The following GRIA4 variants were observed in gnomAD, a reference collection of about 807,000 sequenced individuals.
GRIA4 encodes the protein glutamate receptor 4.
GRIA4 carries 34 observed loss-of-function variants against 104.0 expected under a neutral mutation model. That is an observed-to-expected ratio of 0.33 (90% CI 0.25 to 0.44). The LOEUF (loss-of-function observed/expected upper bound fraction) is 0.44, where lower values mean the gene tolerates loss of function less well. Ranked by LOEUF, GRIA4 falls within the 20% of genes least tolerant of loss-of-function variation. The pLI, the probability that GRIA4 is intolerant of heterozygous loss-of-function variation, is 1.00. For synonymous variants in GRIA4, 386 were observed against 381.9 expected (o/e 1.01, Z -0.13); for missense variants, 750 against 1,096.5 (o/e 0.68, Z 4.46).
chr11:105,961,855 T>C (rs1254015684), intron 14 of GRIA4, among the ~76,000 whole-genome samples: 1 of 152,214 alleles, frequency 6.6e-6, no homozygotes, highest in Non-Finnish European at 1.5e-5. Flanking sequence ...TTCCATATAC[T>C]ATTGCCATCA....
At chr11:105,747,656 A>G (rs1409735796) in intron 3 of GRIA4, among the ~76,000 whole-genome samples, 2 of 152,122 alleles carry the variant, frequency 1.3e-5, no homozygotes, top group Non-Finnish European at 2.9e-5. Context: ...AACCTAGTAG[A>G]TAGTTTACTA....
At chr11:105,812,738 CATAA>C (rs1428168449) in intron 4 of GRIA4, among the ~76,000 whole-genome samples, 6 of 151,986 alleles carry the variant, frequency 3.9e-5, no homozygotes, top group African/African-American at 1.5e-4. Context: ...TCATTCTGCT[CATAA>C]ATAGAGATAT....
intron 4 of GRIA4, among the ~76,000 whole-genome samples, chr11:105,803,411 A>T (rs531816071): frequency 6.6e-6 from 1 of 151,956 alleles, no homozygotes; most frequent in Non-Finnish European, 1.5e-5. Context: ...ATATATCTTC[A>T]ATGTGCATAT....
chr11:105,677,769 T>C (rs763028152), intron 3 of GRIA4, among the ~76,000 whole-genome samples: 10 of 151,964 alleles, frequency 6.6e-5, no homozygotes, highest in Non-Finnish European at 1.3e-4. Flanking sequence ...CAACTAGCCA[T>C]GCCAAGATCT....
intron 3 of GRIA4, among the ~76,000 whole-genome samples, chr11:105,661,208 G>T (rs533761312): frequency 1.1e-4 from 17 of 151,716 alleles, no homozygotes; most frequent in African/African-American, 4.1e-4. Context: ...GGTCTGGAGA[G>T]AAAAGCATGG....
At chr11:105,638,440 G>A (rs1290738526) in intron 3 of GRIA4, among the ~76,000 whole-genome samples, 1 of 152,020 alleles carries the variant, frequency 6.6e-6, no homozygotes, top group Non-Finnish European at 1.5e-5. Flanking sequence ...TAAGTAATAC[G>A]TACATCACTT....
intron 3 of GRIA4, among the ~76,000 whole-genome samples, chr11:105,619,839 T>A (rs976728574): frequency 5.3e-5 from 8 of 151,798 alleles, no homozygotes; most frequent in Admixed American, 6.6e-5. Context: ...TCATTCCCTA[T>A]CTTCATCATT....
intron 3 of GRIA4, among the ~76,000 whole-genome samples, chr11:105,649,515 G>T (rs761424397): frequency 6.6e-6 from 1 of 152,040 alleles, no homozygotes; most frequent in Non-Finnish European, 1.5e-5. Flanking sequence ...AAACACTTCA[G>T]CTTTCTCTTT....
chr11:105,903,899 G>T lies in GRIA4; in HGVS notation c.971G>T (p.Arg324Met). The change falls in exon 8 of 17, where the codon AGG becomes ATG. Residue 324 changes from arginine (R) to methionine (M), a missense_variant. Arg to Met is a moderately conservative substitution (Grantham distance 91, BLOSUM62 -1). This residue lies in a region of GRIA4 where 410 missense variants were observed against 502.7 expected (regional missense o/e 0.82). Coordinates refer to ENST00000282499, the MANE Select transcript of GRIA4 (RefSeq NM_000829.4). The stretch of plus-strand genomic sequence containing the variant: ...AGGAGGCAGAAAATTGATATCTCAA[G>T]GAGAGGAAATGCTGGGGATTGTCTG... ...SLRRQKIDIS[R>M]RGNAGDCLAN... 1 of 1,613,120 alleles carries T rather than the reference G, an allele frequency of 6.2e-7. No homozygotes were observed. The highest frequency in any genetic ancestry group is 8.5e-7 in the Non-Finnish European group (1 of 1,179,126).
intron 4 of GRIA4, among the ~76,000 whole-genome samples, chr11:105,809,146 T>C (rs1943070240): frequency 6.6e-6 from 1 of 152,146 alleles, no homozygotes; most frequent in Non-Finnish European, 1.5e-5. Flanking sequence ...CAATTTTATG[T>C]AAATCTAAAA....
chr11:105,963,927 G>A (rs561643), intron 14 of GRIA4, among the ~76,000 whole-genome samples: 98,462 of 152,010 alleles, frequency 0.65, 31,925 homozygotes, highest in Middle Eastern at 0.72. Context: ...AATAATTGGA[G>A]TATTACTTCA....
chr11:105,677,926 C>T (rs1051514409), intron 3 of GRIA4, among the ~76,000 whole-genome samples: 2 of 151,944 alleles, frequency 1.3e-5, no homozygotes, highest in South Asian at 2.1e-4. Context: ...CATTGTGAAG[C>T]ATATTTGTTT....
chr11:105,632,769 C>T (rs1043670908), intron 3 of GRIA4, among the ~76,000 whole-genome samples: 2 of 151,978 alleles, frequency 1.3e-5, no homozygotes, highest in Non-Finnish European at 2.9e-5. Context: ...CCCCGTTTCT[C>T]CAAAATAATA....
chr11:105,757,204 G>C (rs996557718), intron 4 of GRIA4, among the ~76,000 whole-genome samples: 1 of 152,118 alleles, frequency 6.6e-6, no homozygotes, highest in Non-Finnish European at 1.5e-5. Context: ...GAACTGAGGG[G>C]TAAGTGAACG....
intron 3 of GRIA4, among the ~76,000 whole-genome samples, chr11:105,702,398 T>C (rs1451598623): frequency 1.3e-5 from 2 of 151,906 alleles, no homozygotes; most frequent in Non-Finnish European, 2.9e-5. Flanking sequence ...TGTATGAAAT[T>C]TTAAACACAC....
chr11:105,888,271 CTTTTTTTTTTTT>C (rs71469040), intron 6 of GRIA4, among the ~76,000 whole-genome samples: 4 of 54,560 alleles, frequency 7.3e-5, no homozygotes, highest in East Asian at 6.2e-4. Context: ...ATGTTTTCTC[CTTTTTTTTTTTT>C]TTTTTTTTTT....
chr11:105,641,365 C>A (rs1435055839), intron 3 of GRIA4, among the ~76,000 whole-genome samples: 3 of 152,110 alleles, frequency 2.0e-5, no homozygotes, highest in Non-Finnish European at 2.9e-5. Flanking sequence ...ATCTTCTCAG[C>A]CCACTCTTGT....
At chr11:105,727,996 A>C (rs1448000327) in intron 3 of GRIA4, among the ~76,000 whole-genome samples, 1 of 152,226 alleles carries the variant, frequency 6.6e-6, no homozygotes, top group Non-Finnish European at 1.5e-5. Context: ...AGCTAGCATC[A>C]TAATGACAGG....
At chr11:105,788,892 G>A (rs1942092464) in intron 4 of GRIA4, among the ~76,000 whole-genome samples, 1 of 152,048 alleles carries the variant, frequency 6.6e-6, no homozygotes, top group South Asian at 2.1e-4. Flanking sequence ...TTATAGTTCT[G>A]ATAAAATATA....
Sources: allele counts gnomAD v4.1 joint callset (sites outside exome capture counted in the v4.1 genomes callset), GRCh38; gene constraint gnomAD v4.1.1; regional missense constraint gnomAD v4.1.1; transcripts MANE v1.5; gene names NCBI Gene and HGNC (gene_info 2026-07-23, HGNC 2026-07-21).